Variants in TCP11L1 observed in about 807,000 individuals in gnomAD.
The protein encoded by TCP11L1 is t-complex 11 like 1.
A neutral mutation model predicts 48.9 loss-of-function variants in TCP11L1; 28 were observed. The observed-to-expected ratio is 0.57, with a 90% CI of 0.42 to 0.78. The LOEUF is 0.78. TCP11L1 is among the 30% of genes least tolerant of loss of function. The pLI is 0.00. For missense variants in TCP11L1, 505 were observed against 613.4 expected (o/e 0.82, Z 1.87); for synonymous variants, 204 against 231.9 (o/e 0.88, Z 1.09).
intron 2 of TCP11L1, among the ~76,000 whole-genome samples, chr11:33,053,144 CTTTTTTT>C (rs10715921): frequency 8.6e-6 from 1 of 116,214 alleles, no homozygotes; most frequent in Non-Finnish European, 1.7e-5. Flanking sequence ...CTATCAGAGA[CTTTTTTT>C]TTTTTTTTTT....
intron 1 of TCP11L1, 70 bp from the exon 2 acceptor site, chr11:33,043,680 A>G (rs1853903506): frequency 1.5e-6 from 2 of 1,336,700 alleles, no homozygotes; most frequent in South Asian, 1.5e-5. Context: ...ATTTGCCCTG[A>G]GTCACATTGC....
rs371770027 is a variant in TCP11L1, at chr11:33,047,077, G to T, written c.163+3141G>T. Among the ~76,000 whole-genome samples, 11 of 152,172 alleles carry T rather than the reference G, an allele frequency of 7.2e-5. No homozygotes were observed. In the East Asian group the frequency reaches 2.1e-3, roughly 29 times the overall value. ...GTTTCTACTAAAAATACAAAAATTAGCCGGGAGTGGTGGTGTGTGCCTGTA... is the reference window on the plus strand; with the variant it reads ...GTTTCTACTAAAAATACAAAAATTATCCGGGAGTGGTGGTGTGTGCCTGTA... On this transcript the variant is annotated intron_variant, in intron 2 of 9. Coordinates refer to ENST00000334274, the MANE Select transcript of TCP11L1 (RefSeq NM_018393.4).
chr11:33,058,883 ACG>A (rs1215520114), intron 5 of TCP11L1, 74 bp from the exon 6 acceptor site: 1 of 1,528,800 alleles, frequency 6.5e-7, no homozygotes. Context: ...GGTGTGAGCC[ACG>A]CGTCTGGTCC....
intron 1 of TCP11L1, chr11:33,041,422 C>G (rs570743075): frequency 2.0e-5 from 3 of 152,252 alleles, no homozygotes; most frequent in Non-Finnish European, 4.4e-5. Flanking sequence ...AGATGGGTCT[C>G]GAAAGGGAAA....
chr11:33,049,524 G>A (rs1293175804), intron 2 of TCP11L1, among the ~76,000 whole-genome samples: 1 of 152,166 alleles, frequency 6.6e-6, no homozygotes, highest in Non-Finnish European at 1.5e-5. Context: ...ATCTTGGAGA[G>A]GGGGTTGTGG....
chr11:33,040,028 G>A (rs926782775), intron 1 of TCP11L1: 1 of 152,292 alleles, frequency 6.6e-6, no homozygotes, highest in Admixed American at 6.5e-5. Flanking sequence ...CTGAACAGCT[G>A]TTTACAACGG....
intron 6 of TCP11L1, among the ~76,000 whole-genome samples, chr11:33,060,446 C>A (rs1394149098): frequency 6.6e-6 from 1 of 152,072 alleles, no homozygotes; most frequent in Admixed American, 6.5e-5. Flanking sequence ...GAGCTGCATC[C>A]CCCTGCCCCA....
At chr11:33,070,179 G>A (rs1338001774) in intron 9 of TCP11L1, among the ~76,000 whole-genome samples, 4 of 152,094 alleles carry the variant, frequency 2.6e-5, no homozygotes, top group African/African-American at 9.7e-5. Flanking sequence ...TACTCGGGAG[G>A]CTGAGGCAGG....
intron 2 of TCP11L1, among the ~76,000 whole-genome samples, chr11:33,045,762 CG>C (rs1439595740): frequency 6.6e-6 from 1 of 152,032 alleles, no homozygotes; most frequent in Non-Finnish European, 1.5e-5. Context: ...AAAGTGGGTC[CG>C]GGGGCCAATG....
intron 6 of TCP11L1, 65 bp downstream of exon 6, chr11:33,059,160 T>A: frequency 6.3e-7 from 1 of 1,581,626 alleles, no homozygotes. Flanking sequence ...CTGCCATAGC[T>A]TGTTGCATAA....
At chr11:33,043,717 TTA>T in intron 1 of TCP11L1, 31 bp from the exon 2 acceptor site, 3 of 1,548,274 alleles carry the variant, frequency 1.9e-6, no homozygotes, top group East Asian at 4.5e-5. Flanking sequence ...TAGAATACTT[TTA>T]GTTCTTTTTT....
At chr11:33,055,231 G>A (rs1197892990) in intron 3 of TCP11L1, among the ~76,000 whole-genome samples, 1 of 152,194 alleles carries the variant, frequency 6.6e-6, no homozygotes, top group Non-Finnish European at 1.5e-5. Flanking sequence ...TGGGGAGGGG[G>A]GAGTTTGTTT....
chr11:33,064,304 C>A (rs11032136), intron 7 of TCP11L1, among the ~76,000 whole-genome samples: 1 of 151,996 alleles, frequency 6.6e-6, no homozygotes, highest in Non-Finnish European at 1.5e-5. Flanking sequence ...GAAAACAGGC[C>A]GACGATGAGT....
intron 6 of TCP11L1, 98 bp from the exon 7 acceptor site, chr11:33,061,432 C>T: frequency 8.3e-7 from 1 of 1,202,014 alleles, no homozygotes; most frequent in Non-Finnish European, 1.1e-6. Flanking sequence ...ATACTTTATA[C>T]TTTATCACTC....
rs752072052 is a variant in TCP11L1, at chr11:33,059,112, G to T, written c.775+17G>T. ...GGCAACCAAGTATGTTGAATATTTT[G>T]TGGTACTTTTTTTGTTGTCTGTGGT... On this transcript the variant is annotated intron_variant, in intron 6 of 9. Coordinates refer to ENST00000334274, the MANE Select transcript of TCP11L1 (RefSeq NM_018393.4). 3 of 1,610,576 alleles carry T rather than the reference G, an allele frequency of 1.9e-6. No homozygotes were observed. The highest frequency in any genetic ancestry group is 1.7e-6 in the Non-Finnish European group (2 of 1,178,588).
In TCP11L1 at chr11:33,057,103, T is replaced by C; in HGVS notation, c.297-12T>C. The C allele has an allele frequency of 1.9e-6, 3 of 1,608,842 alleles. No homozygotes were observed. Among genetic ancestry groups the C allele is most frequent in the Non-Finnish European group, 2.5e-6 (3 of 1,178,644 alleles). On this transcript the variant is annotated splice_polypyrimidine_tract_variant and intron_variant, in intron 3 of 9. Transcript: ENST00000334274. ...GTTTTTGCCCCCCTCCTTTTTTTTT[T>C]CACTGCCCCAGCTTGAAGAAGAGAG...
At chr11:33,063,764 T>C (rs1289830995) in intron 7 of TCP11L1, among the ~76,000 whole-genome samples, 1 of 152,232 alleles carries the variant, frequency 6.6e-6, no homozygotes, top group Non-Finnish European at 1.5e-5. Context: ...TCTAAATATC[T>C]TTCTTATAAG....
rs1033709527 is a variant in TCP11L1, at chr11:33,072,966, C to T, written c.*290C>T. ...GTCTCCACTCCTCCCCCATCATGTCCTTCCAAGGAGGCTGGGACCTCTCTC... is the reference window on the plus strand; with the variant it reads ...GTCTCCACTCCTCCCCCATCATGTCTTTCCAAGGAGGCTGGGACCTCTCTC... On this transcript the variant is annotated 3_prime_UTR_variant, in exon 10 of 10. Coordinates refer to ENST00000334274, the MANE Select transcript of TCP11L1 (RefSeq NM_018393.4). The T allele has an allele frequency of 2.5e-5, 10 of 394,404 alleles. No individual in the cohort carries two copies. The highest frequency in any genetic ancestry group is 4.3e-5 in the Non-Finnish European group (9 of 211,466). The allele number at this position is 394,404 out of a possible 1,614,324, so 24.4% of individuals were successfully genotyped here.
intron 9 of TCP11L1, 59 bp downstream of exon 9, chr11:33,068,918 C>A: frequency 6.4e-7 from 1 of 1,568,730 alleles, no homozygotes. Context: ...GAGCACGAGT[C>A]CATCTGAAGA....
Sources: allele counts gnomAD v4.1 joint callset (sites outside exome capture counted in the v4.1 genomes callset), GRCh38; gene constraint gnomAD v4.1.1; transcripts MANE v1.5; gene names NCBI Gene and HGNC (gene_info 2026-07-23, HGNC 2026-07-21).